PDE4D: variants seen among roughly 807,000 people sequenced by gnomAD.
PDE4D encodes 3',5'-cyclic-AMP phosphodiesterase 4D.
Under a neutral mutation model 87.4 loss-of-function variants are expected in PDE4D, and 24 were observed. That is an observed-to-expected ratio of 0.27 (90% CI 0.20 to 0.39). PDE4D has a LOEUF of 0.39. Ranked by LOEUF, PDE4D falls within the 10% of genes least tolerant of loss-of-function variation. The pLI is 1.00. For synonymous variants in PDE4D, 384 were observed against 383.2 expected, an observed-to-expected ratio of 1.00 and a Z score of -0.02; for missense variants, 714 against 1,041.0, an observed-to-expected ratio of 0.69 and a Z score of 4.32.
At chr5:59,691,280 T>C (rs187736273) in intron 1 of PDE4D, among the ~76,000 whole-genome samples, 1,642 of 152,304 alleles carry the variant, frequency 0.011, 24 homozygotes, top group African/African-American at 0.038. Flanking sequence ...TGTATGTTTA[T>C]TGCAGCACTA....
At chr5:60,124,046 G>T (rs1252028545) in intron 2 of PDE4D, among the ~76,000 whole-genome samples, 1 of 152,062 alleles carries the variant, frequency 6.6e-6, no homozygotes, top group Non-Finnish European at 1.5e-5. Context: ...ATCAAAATTT[G>T]AACGTAACAC....
At chr5:59,179,786 G>T (rs1479834285) in intron 5 of PDE4D, 3 of 275,936 alleles carry the variant, frequency 1.1e-5, no homozygotes. Context: ...ATTTTCTTCT[G>T]GTAATAATTT....
chr5:59,049,881 T>A (rs1049641436), intron 5 of PDE4D, among the ~76,000 whole-genome samples: 2 of 152,186 alleles, frequency 1.3e-5, no homozygotes, highest in Non-Finnish European at 2.9e-5. Flanking sequence ...AAATCTCTGT[T>A]TAGCATTTAT....
At chr5:59,485,499 G>A (rs937228173) in intron 1 of PDE4D, among the ~76,000 whole-genome samples, 56 of 151,950 alleles carry the variant, frequency 3.7e-4, no homozygotes, top group Non-Finnish European at 4.0e-4. Context: ...TACCAGTAAG[G>A]TTTTACAAAA....
At chr5:59,182,454 G>A (rs1219541634) in intron 4 of PDE4D, among the ~76,000 whole-genome samples, 1 of 151,514 alleles carries the variant, frequency 6.6e-6, no homozygotes, top group East Asian at 1.9e-4. Context: ...TTAGAGATGG[G>A]GTCTTGCTGT....
intron 1 of PDE4D, among the ~76,000 whole-genome samples, chr5:60,456,561 A>G (rs1206325092): frequency 2.0e-5 from 3 of 152,216 alleles, no homozygotes; most frequent in Non-Finnish European, 4.4e-5. Flanking sequence ...TCCCTGCCCA[A>G]TTAGCACAAG....
At chr5:59,154,102 G>A (rs566435257) in intron 5 of PDE4D, among the ~76,000 whole-genome samples, 2 of 152,124 alleles carry the variant, frequency 1.3e-5, no homozygotes, top group Non-Finnish European at 2.9e-5. Context: ...GGTACCACAC[G>A]AAAGAGATCT....
At chr5:59,939,967 T>C (rs374040394) in intron 3 of PDE4D, among the ~76,000 whole-genome samples, 49 of 152,276 alleles carry the variant, frequency 3.2e-4, no homozygotes, top group African/African-American at 1.1e-3. Context: ...GAGAAGGATT[T>C]TTATTACTCA....
intron 1 of PDE4D, among the ~76,000 whole-genome samples, chr5:59,614,765 C>T (rs887968882): frequency 5.3e-5 from 8 of 151,836 alleles, no homozygotes; most frequent in Non-Finnish European, 1.2e-4. Context: ...AGGCATTTAT[C>T]TGTAAATTGA....
intron 2 of PDE4D, among the ~76,000 whole-genome samples, chr5:59,988,909 A>C (rs1305243952): frequency 6.6e-6 from 1 of 152,042 alleles, no homozygotes; most frequent in African/African-American, 2.4e-5. Flanking sequence ...TAAAATAGCA[A>C]ATTTGTTCAC....
intron 2 of PDE4D, chr5:60,030,884 C>T (rs1276376722): frequency 1.3e-5 from 2 of 152,184 alleles, no homozygotes; most frequent in African/African-American, 4.8e-5. Context: ...CCAAAATAAA[C>T]AAGTCAGTAT....
chr5:59,483,723 C>T (rs983301198), intron 1 of PDE4D, among the ~76,000 whole-genome samples: 1 of 152,108 alleles, frequency 6.6e-6, no homozygotes, highest in Non-Finnish European at 1.5e-5. Flanking sequence ...ACAAAGACAG[C>T]ACAACCTGCT....
chr5:60,494,964 G>A (rs561822284), intron 1 of PDE4D, among the ~76,000 whole-genome samples: 1 of 152,232 alleles, frequency 6.6e-6, no homozygotes, highest in South Asian at 2.1e-4. Flanking sequence ...CCTTCTCCAT[G>A]CAGGGTCACC....
At chr5:59,519,160 T>C (rs1426464592) in intron 1 of PDE4D, among the ~76,000 whole-genome samples, 1 of 152,130 alleles carries the variant, frequency 6.6e-6, no homozygotes, top group Non-Finnish European at 1.5e-5. Context: ...CTTTAGCAAA[T>C]ATTCATTGAG....
At chr5:59,408,805 T>G (rs931569675) in intron 1 of PDE4D, among the ~76,000 whole-genome samples, 6 of 152,162 alleles carry the variant, frequency 3.9e-5, no homozygotes, top group African/African-American at 1.4e-4. Context: ...TGTTTCAGAC[T>G]TGGGTGGGGC....
intron 5 of PDE4D, among the ~76,000 whole-genome samples, chr5:59,126,330 C>T (rs952379348): frequency 1.3e-5 from 2 of 152,120 alleles, no homozygotes; most frequent in African/African-American, 4.8e-5. Flanking sequence ...GACAATTAGC[C>T]ATCTTTCTTT....
At chr5:60,273,255 A>T (rs1421091219) in intron 1 of PDE4D, among the ~76,000 whole-genome samples, 1 of 152,108 alleles carries the variant, frequency 6.6e-6, no homozygotes, top group Non-Finnish European at 1.5e-5. Context: ...CTTAGCAAAT[A>T]AAAAAAGAAT....
At chr5:60,148,065 G>C (rs1177184307) in intron 2 of PDE4D, among the ~76,000 whole-genome samples, 1 of 152,158 alleles carries the variant, frequency 6.6e-6, no homozygotes, top group Non-Finnish European at 1.5e-5. Context: ...CATCTTGGAA[G>C]CTGGTTACCA....
At chr5:60,142,822 T>C (rs1402936678) in intron 2 of PDE4D, among the ~76,000 whole-genome samples, 5 of 152,062 alleles carry the variant, frequency 3.3e-5, no homozygotes, top group Non-Finnish European at 5.9e-5. Context: ...GAGAAAAAAT[T>C]TGCATGGGGA....
Sources: gnomAD v4.1 joint callset for allele counts (sites outside exome capture counted in the v4.1 genomes callset) on GRCh38, gnomAD v4.1.1 for gene constraint, MANE v1.5 for transcripts, NCBI Gene and HGNC (gene_info 2026-07-23, HGNC 2026-07-21) for gene names.